GTF2A1: variants seen among roughly 807,000 people sequenced by gnomAD.
GTF2A1 encodes the protein general transcription factor IIA subunit 1.
In GTF2A1, 12 loss-of-function variants were observed where a neutral mutation model predicts 54.1. The observed-to-expected ratio is 0.22, with a 90% CI of 0.14 to 0.36. GTF2A1 has a LOEUF of 0.36. Among genes scored for constraint, GTF2A1 ranks in the 10% least tolerant of loss-of-function variants. The probability of loss-of-function intolerance (pLI) is 1.00; values close to 1 mark genes in which losing one functional copy is unlikely to be tolerated. For synonymous variants in GTF2A1, 145 were observed against 152.0 expected (o/e 0.95, Z 0.34); for missense variants, 335 against 442.2 (o/e 0.76, Z 2.17).
At chr14:81,210,694 A>T (rs1477183767) in intron 2 of GTF2A1, among the ~76,000 whole-genome samples, 3 of 152,130 alleles carry the variant, frequency 2.0e-5, no homozygotes, top group Admixed American at 6.5e-5. Context: ...AGCTGGGATT[A>T]TAAGCATGCA....
At chr14:81,202,837 A>G (rs1314067253) in intron 3 of GTF2A1, 2 of 499,114 alleles carry the variant, frequency 4.0e-6, no homozygotes, top group South Asian at 1.5e-5. Context: ...AGTCATCAAA[A>G]AAGAATAAAA....
intron 1 of GTF2A1, among the ~76,000 whole-genome samples, chr14:81,219,208 C>CT (rs1893552600): frequency 6.6e-6 from 1 of 152,172 alleles, no homozygotes; most frequent in Admixed American, 6.5e-5. Flanking sequence ...CTAGCTGCTG[C>CT]TGGGAACAAA....
rs1404864973 is a variant in GTF2A1 at position 81,185,432 on chromosome 14, T to C, written c.1023+99A>G. The C allele has an allele frequency of 1.0e-5, 7 of 668,940 alleles. No homozygotes were observed. In the African/African-American group the frequency reaches 1.3e-4, roughly 12 times the overall value. The allele number at this position is 668,940 out of a possible 1,614,324, so 41.4% of individuals were successfully genotyped here. A position where few individuals can be genotyped will look rare whatever the true frequency, so the allele number is the denominator to read the frequency against. ...CTATTCATAATGAATTTAAGAGGCA[T>C]GAATCAGCTGCCCAAATGTTTCAAT... On this transcript the variant is annotated intron_variant, in intron 8 of 8. Transcript: ENST00000553612.
At chr14:81,182,484 A>G (rs1165823896) in intron 8 of GTF2A1, among the ~76,000 whole-genome samples, 2 of 152,176 alleles carry the variant, frequency 1.3e-5, no homozygotes, top group African/African-American at 4.8e-5. Context: ...CAAATCTCAG[A>G]GTCAGGAAAT....
At chr14:81,181,199 G>C (rs1892631217) in intron 8 of GTF2A1, among the ~76,000 whole-genome samples, 2 of 152,276 alleles carry the variant, frequency 1.3e-5, no homozygotes, top group East Asian at 3.9e-4. Context: ...ATTTGGTGGG[G>C]GAGAGGAGTT....
intron 2 of GTF2A1, among the ~76,000 whole-genome samples, chr14:81,211,110 A>G (rs7142641): frequency 0.77 from 117,872 of 152,142 alleles, 46,480 homozygotes; most frequent in African/African-American, 0.89. Context: ...AGAATCTGAC[A>G]AGAAAGAAGT....
At chr14:81,219,119 ATAAT>A (rs1366894431) in intron 1 of GTF2A1, among the ~76,000 whole-genome samples, 3 of 152,158 alleles carry the variant, frequency 2.0e-5, no homozygotes, top group Non-Finnish European at 4.4e-5. Context: ...TTTGTTTTAA[ATAAT>A]TAATTTTGAA....
rs778941705 is a variant in GTF2A1 at position 81,201,545 on chromosome 14, G to A, written c.402+49C>T. Reference sequence around the variant, plus strand: ...ACATATATAGGCATAATTACAATGTGGGTTAGAATTAAGTACAGCCAATCA... The same window carrying A: ...ACATATATAGGCATAATTACAATGTAGGTTAGAATTAAGTACAGCCAATCA... On this transcript the variant is annotated intron_variant, in intron 4 of 8. Coordinates refer to ENST00000553612, the MANE Select transcript of GTF2A1 (RefSeq NM_015859.4). 3.0e-5 allele frequency: 32 copies of A among 1,055,682 alleles called. No homozygotes were observed. The East Asian group carries it at 7.2e-4, about 24-fold the overall frequency. The allele number at this position is 1,055,682 out of a possible 1,614,324, so 65.4% of individuals were successfully genotyped here. A position where few individuals can be genotyped will look rare whatever the true frequency, so the allele number is the denominator to read the frequency against.
chr14:81,186,247 T>C (rs894174985), intron 7 of GTF2A1, among the ~76,000 whole-genome samples: 1 of 152,210 alleles, frequency 6.6e-6, no homozygotes, highest in South Asian at 2.1e-4. Flanking sequence ...ATATGAAGGT[T>C]CAAAAGAGCT....
At position 81,203,959 on chromosome 14, in the gene GTF2A1, T is replaced by C; in HGVS notation, c.278A>G (p.Gln93Arg). The C allele has an allele frequency of 6.2e-7, 1 of 1,614,110 alleles. No homozygotes were observed. Among genetic ancestry groups the C allele is most frequent in the East Asian group, 2.2e-5 (1 of 44,886 alleles). The change falls in exon 3 of 9, where the codon CAG becomes CGG. Residue 93 changes from glutamine (Q) to arginine (R), a missense_variant. This residue lies in a region of GTF2A1 where 306 missense variants were observed against 360.4 expected (regional missense o/e 0.85). Coordinates refer to ENST00000553612, the MANE Select transcript of GTF2A1 (RefSeq NM_015859.4). ...CTGCGCTTGCTGAGGTACTGTCTGCTGAGGCTGAGCTTGCTGATGATGGTG... is the reference window on the plus strand; with the variant it reads ...CTGCGCTTGCTGAGGTACTGTCTGCCGAGGCTGAGCTTGCTGATGATGGTG... ...HHHHHQQAQPQQTVPQQAQTQ... is the reference protein window; with the variant it reads ...HHHHHQQAQPRQTVPQQAQTQ...
At chr14:81,212,513 T>C (rs561686783) in intron 2 of GTF2A1, among the ~76,000 whole-genome samples, 3 of 152,348 alleles carry the variant, frequency 2.0e-5, no homozygotes, top group South Asian at 2.1e-4. Flanking sequence ...CCTTTCTGCT[T>C]ACCTCATTAA....
chr14:81,212,462 A>T (rs1566861249), intron 2 of GTF2A1, among the ~76,000 whole-genome samples: 2 of 152,234 alleles, frequency 1.3e-5, no homozygotes, highest in Non-Finnish European at 2.9e-5. Flanking sequence ...GTGTTTCAAA[A>T]GATAACCTCA....
chr14:81,180,129 C>A lies in GTF2A1; in HGVS notation c.*94G>T. On this transcript the variant is annotated 3_prime_UTR_variant, in exon 9 of 9. Transcript: ENST00000553612. The stretch of plus-strand genomic sequence containing the variant: ...ACTGCACTTTTCTGACATGCAGAAA[C>A]GAAGTTTTGGTTGGCATATGCCCCA... The A allele has an allele frequency of 3.7e-6, 2 of 538,408 alleles. No homozygotes were observed. The highest frequency in any genetic ancestry group is 6.8e-6 in the Non-Finnish European group (2 of 292,720). The allele number at this position is 538,408 out of a possible 1,614,324, so 33.4% of individuals were successfully genotyped here.
At chr14:81,192,496 T>A (rs775579056) in intron 7 of GTF2A1, 23 bp downstream of exon 7, 9 of 1,548,828 alleles carry the variant, frequency 5.8e-6, no homozygotes, top group Non-Finnish European at 6.1e-6. Flanking sequence ...TAGATTATTT[T>A]AAGTATGTTA....
At chr14:81,188,636 G>C (rs1892800607) in intron 7 of GTF2A1, among the ~76,000 whole-genome samples, 1 of 151,754 alleles carries the variant, frequency 6.6e-6, no homozygotes, top group African/African-American at 2.4e-5. Context: ...AATTAGCCGG[G>C]CATGGTGGCG....
intron 7 of GTF2A1, among the ~76,000 whole-genome samples, chr14:81,188,190 C>T (rs773890588): frequency 5.3e-5 from 8 of 152,102 alleles, no homozygotes; most frequent in South Asian, 2.1e-4. Flanking sequence ...TTTGTTGTTA[C>T]GCTGTTTAAG....
At chr14:81,190,215 T>C (rs977125530) in intron 7 of GTF2A1, among the ~76,000 whole-genome samples, 1 of 151,734 alleles carries the variant, frequency 6.6e-6, no homozygotes, top group Non-Finnish European at 1.5e-5. Flanking sequence ...GACCCAGGTA[T>C]CTGTAGTGTC....
intron 7 of GTF2A1, among the ~76,000 whole-genome samples, chr14:81,191,246 C>A (rs540625615): frequency 1.3e-5 from 2 of 152,212 alleles, no homozygotes; most frequent in East Asian, 3.9e-4. Flanking sequence ...TATTGAATGG[C>A]AGAAGTGATT....
chr14:81,184,182 C>G (rs1222058045), intron 8 of GTF2A1, among the ~76,000 whole-genome samples: 1 of 152,106 alleles, frequency 6.6e-6, no homozygotes, highest in Non-Finnish European at 1.5e-5. Flanking sequence ...CAACCATTGT[C>G]TTAAAGTAGG....
Sources: gnomAD v4.1 joint callset for allele counts (sites outside exome capture counted in the v4.1 genomes callset) on GRCh38, gnomAD v4.1.1 for gene constraint, gnomAD v4.1.1 regional missense constraint, MANE v1.5 for transcripts, NCBI Gene and HGNC (gene_info 2026-07-23, HGNC 2026-07-21) for gene names.